The following EXOC6B variants were observed in gnomAD, a reference collection of about 807,000 sequenced individuals.
EXOC6B encodes exocyst complex component 6B, also known as SEC15 homolog B.
In EXOC6B, 54 loss-of-function variants were observed where a neutral mutation model predicts 113.5. That is an observed-to-expected ratio of 0.48 (90% CI 0.38 to 0.60). The LOEUF (loss-of-function observed/expected upper bound fraction) is 0.60. Among genes scored for constraint, EXOC6B ranks in the 20% least tolerant of loss-of-function variants. The pLI, the probability that EXOC6B is intolerant of heterozygous loss-of-function variation, is 0.00. For missense variants in EXOC6B, 797 were observed against 977.5 expected (o/e 0.82, Z 2.46); for synonymous variants, 357 against 339.0 (o/e 1.05, Z -0.58).
At chr2:72,239,258 C>G (rs971832863) in intron 20 of EXOC6B, among the ~76,000 whole-genome samples, 1 of 152,098 alleles carries the variant, frequency 6.6e-6, no homozygotes, top group African/African-American at 2.4e-5. Flanking sequence ...ACGGTGTTGC[C>G]TAACTCAAGG....
intron 19 of EXOC6B, among the ~76,000 whole-genome samples, chr2:72,364,517 T>C (rs1262695462): frequency 6.6e-6 from 1 of 152,176 alleles, no homozygotes; most frequent in African/African-American, 2.4e-5. Flanking sequence ...ATATTGGCTC[T>C]CTGGAACCCC....
chr2:72,399,371 A>C (rs1401784759), intron 18 of EXOC6B, among the ~76,000 whole-genome samples: 1 of 152,104 alleles, frequency 6.6e-6, no homozygotes, highest in Non-Finnish European at 1.5e-5. Context: ...TACTTTCACC[A>C]CTCCTATTCA....
chr2:72,407,067 T>C (rs1250450253), intron 18 of EXOC6B, among the ~76,000 whole-genome samples: 2 of 152,090 alleles, frequency 1.3e-5, no homozygotes, highest in Admixed American at 6.5e-5. Flanking sequence ...CAAACTACCA[T>C]CAGAGAATAC....
At chr2:72,319,100 A>T (rs542047207) in intron 20 of EXOC6B, among the ~76,000 whole-genome samples, 311 of 152,048 alleles carry the variant, frequency 2.0e-3, no homozygotes, top group Non-Finnish European at 3.7e-3. Context: ...AAAAGGCTTT[A>T]GATATGAATA....
At chr2:72,437,864 A>G (rs1324775088) in intron 18 of EXOC6B, among the ~76,000 whole-genome samples, 2 of 152,196 alleles carry the variant, frequency 1.3e-5, no homozygotes, top group Non-Finnish European at 1.5e-5. Context: ...ATTTAGCAAT[A>G]TATTAAAATT....
chr2:72,675,823 CG>C (rs998192609), intron 6 of EXOC6B, among the ~76,000 whole-genome samples: 1 of 135,706 alleles, frequency 7.4e-6, no homozygotes, highest in Non-Finnish European at 1.6e-5. Context: ...TTGGTGGGGG[CG>C]GGGGGGCGGA....
chr2:72,555,172 T>C (rs1477833907), intron 8 of EXOC6B, among the ~76,000 whole-genome samples: 3 of 152,218 alleles, frequency 2.0e-5, no homozygotes, highest in Non-Finnish European at 4.4e-5. Flanking sequence ...ACATTTGGGT[T>C]GTTTCCAAGT....
chr2:72,384,526 G>A (rs1691880889), intron 18 of EXOC6B, among the ~76,000 whole-genome samples: 1 of 151,944 alleles, frequency 6.6e-6, no homozygotes. Flanking sequence ...ACGGTAGTTA[G>A]TCAAGAGAAA....
At chr2:72,457,442 T>C (rs1203088832) in intron 18 of EXOC6B, among the ~76,000 whole-genome samples, 1 of 152,060 alleles carries the variant, frequency 6.6e-6, no homozygotes, top group African/African-American at 2.4e-5. Flanking sequence ...TAGGAGAATT[T>C]CCACGCTTAA....
In EXOC6B at chr2:72,200,999, C is replaced by A. The variant is rs116162349; in HGVS notation, c.2197-16812G>T. On this transcript the variant is annotated intron_variant, in intron 20 of 21. Coordinates refer to ENST00000272427, the MANE Select transcript of EXOC6B (RefSeq NM_015189.3). Reference sequence around the variant, plus strand: ...CATTCTTTCACCTTCCTGATGAAGGCTGCTATCATGATTTTGTTATGTATC... The same window carrying A: ...CATTCTTTCACCTTCCTGATGAAGGATGCTATCATGATTTTGTTATGTATC... Among the ~76,000 whole-genome samples the A allele has an allele frequency of 5.4e-3, 822 of 152,122 alleles. 8 individuals carry two copies. Among genetic ancestry groups the A allele is most frequent in the African/African-American group, 0.019 (798 of 41,486 alleles).
At chr2:72,713,674 T>G (rs1347634782) in intron 6 of EXOC6B, among the ~76,000 whole-genome samples, 1 of 151,530 alleles carries the variant, frequency 6.6e-6, no homozygotes, top group Non-Finnish European at 1.5e-5. Context: ...ACTGTGATTG[T>G]CAGACTAAAA....
chr2:72,349,903 C>T (rs544469311), intron 19 of EXOC6B, among the ~76,000 whole-genome samples: 3 of 152,184 alleles, frequency 2.0e-5, no homozygotes, highest in South Asian at 2.1e-4. Flanking sequence ...GCAGTCTTGT[C>T]GGACTGACCC....
chr2:72,380,009 A>T, intron 18 of EXOC6B, 139 bp from the exon 19 acceptor site: 1 of 730,202 alleles, frequency 1.4e-6, no homozygotes, highest in Non-Finnish European at 2.0e-6. Context: ...CTTCCATTCA[A>T]ATAATCTTGG....
chr2:72,480,134 A>T (rs1698988580), intron 17 of EXOC6B, among the ~76,000 whole-genome samples: 1 of 151,904 alleles, frequency 6.6e-6, no homozygotes, highest in Non-Finnish European at 1.5e-5. Flanking sequence ...AACCCAGGAG[A>T]CAGGGGTTGC....
chr2:72,415,669 G>A (rs1005967365), intron 18 of EXOC6B, among the ~76,000 whole-genome samples: 2 of 152,006 alleles, frequency 1.3e-5, no homozygotes, highest in East Asian at 3.9e-4. Context: ...ACTGTTGATG[G>A]AACACTGCTT....
chr2:72,282,996 A>G (rs1685221209), intron 20 of EXOC6B, among the ~76,000 whole-genome samples: 1 of 152,326 alleles, frequency 6.6e-6, no homozygotes, highest in African/African-American at 2.4e-5. Context: ...CAAAACAATT[A>G]GAACAAAACT....
chr2:72,769,831 A>G (rs1404026402), intron 1 of EXOC6B, among the ~76,000 whole-genome samples: 3 of 152,178 alleles, frequency 2.0e-5, no homozygotes, highest in African/African-American at 4.8e-5. Context: ...ATAAAATAAA[A>G]TAGAAAGAAG....
chr2:72,647,193 TAAAATACCTA>T (rs1673788298), intron 6 of EXOC6B, among the ~76,000 whole-genome samples: 2 of 151,816 alleles, frequency 1.3e-5, no homozygotes, highest in Non-Finnish European at 2.9e-5. Flanking sequence ...AAAAAGAGAA[TAAAATACCTA>T]GGAATCCAAC....
chr2:72,276,514 T>C (rs56302716), intron 20 of EXOC6B, among the ~76,000 whole-genome samples: 8,554 of 152,114 alleles, frequency 0.056, 315 homozygotes, highest in Non-Finnish European at 0.088. Context: ...AATGACAAGT[T>C]TTGTAAAAAT....
Sources: allele counts gnomAD v4.1 joint callset (sites outside exome capture counted in the v4.1 genomes callset), GRCh38; gene constraint gnomAD v4.1.1; transcripts MANE v1.5; gene names NCBI Gene and HGNC (gene_info 2026-07-23, HGNC 2026-07-21).